ATP10D: variants seen among roughly 807,000 people sequenced by gnomAD.
ATP10D encodes the protein phospholipid-transporting ATPase VD.
Under a neutral mutation model 144.8 loss-of-function variants are expected in ATP10D, and 89 were observed. The observed-to-expected ratio is 0.61, with a 90% CI of 0.52 to 0.73. The LOEUF (loss-of-function observed/expected upper bound fraction) is 0.73. Among genes scored for constraint, ATP10D ranks in the 30% least tolerant of loss-of-function variants. ATP10D has a pLI of 0.00. For missense variants in ATP10D, 1,603 were observed against 1,714.8 expected, an observed-to-expected ratio of 0.93 and a Z score of 1.15; for synonymous variants, 571 against 615.1, an observed-to-expected ratio of 0.93 and a Z score of 1.06.
chr4:47,535,715 A>G, intron 6 of ATP10D, 100 bp downstream of exon 6: 3 of 1,395,848 alleles, frequency 2.1e-6, no homozygotes, highest in Non-Finnish European at 2.9e-6. Context: ...CAGAAAGGAA[A>G]TTTTGCCTGA....
At chr4:47,490,680 G>A in intron 1 of ATP10D, among the ~76,000 whole-genome samples, 1 of 152,228 alleles carries the variant, frequency 6.6e-6, no homozygotes. Flanking sequence ...AGCCAGCACG[G>A]GTGGTATAGG....
intron 9 of ATP10D, among the ~76,000 whole-genome samples, chr4:47,540,943 A>G (rs1413323724): frequency 6.6e-6 from 1 of 152,290 alleles, no homozygotes; most frequent in Non-Finnish European, 1.5e-5. Flanking sequence ...TTTATGATGC[A>G]CAATTTGTGA....
Position 47,557,711 on chromosome 4 carries a change from G to A in ATP10D, c.1872G>A (p.Glu624=), listed in dbSNP as rs773640259. The A allele has an allele frequency of 6.2e-7, 1 of 1,614,148 alleles. No individual in the cohort carries two copies. The highest frequency in any genetic ancestry group is 8.5e-7 in the Non-Finnish European group (1 of 1,179,988). Residue 624 remains glutamate (E), a synonymous_variant, in exon 12 of 23, where the codon GAG becomes GAA. Transcript: ENST00000273859. ...LGGLPIKSLE[E]IKSLFQRWSV... ...GGTTGCCCATTAAGTCTTTGGAAGA[G>A]ATTAAAAGTCTTTTCCAGAGATGGT...
intron 1 of ATP10D, among the ~76,000 whole-genome samples, chr4:47,512,285 G>A (rs1450224451): frequency 1.3e-5 from 2 of 152,182 alleles, no homozygotes; most frequent in Admixed American, 6.5e-5. Context: ...TTTAGGTGCT[G>A]TCTCTTGTTA....
intron 10 of ATP10D, 73 bp downstream of exon 10, chr4:47,546,935 T>A: frequency 7.0e-7 from 1 of 1,419,084 alleles, no homozygotes; most frequent in Non-Finnish European, 9.9e-7. Flanking sequence ...GTAATTATGA[T>A]AGAGTCAAAC....
In ATP10D at chr4:47,521,648, A is replaced by C. The variant is rs146166971; in HGVS notation, c.486-1364A>C. Among the ~76,000 whole-genome samples, 487 of 152,272 alleles carry C rather than the reference A, an allele frequency of 3.2e-3. 7 individuals carry two copies. Among genetic ancestry groups the C allele is most frequent in the Middle Eastern group, 0.014 (4 of 294 alleles). The stretch of plus-strand genomic sequence containing the variant: ...TTTAGTTACTCTCCATTTCCTATGG[A>C]ATGAAATTCCTACTCCTAGATATGG... On this transcript the variant is annotated intron_variant, in intron 3 of 22. Coordinates refer to ENST00000273859, the MANE Select transcript of ATP10D (RefSeq NM_020453.4).
chr4:47,579,141 T>C (rs1331958751), intron 19 of ATP10D, among the ~76,000 whole-genome samples: 1 of 152,210 alleles, frequency 6.6e-6, no homozygotes, highest in Admixed American at 6.5e-5. Flanking sequence ...TCACACAGCC[T>C]CAGAATCCAA....
intron 9 of ATP10D, among the ~76,000 whole-genome samples, chr4:47,543,125 A>G (rs1231227549): frequency 6.6e-6 from 1 of 152,204 alleles, no homozygotes; most frequent in Admixed American, 6.5e-5. Context: ...GTTTTACTAC[A>G]GTATATTGTT....
chr4:47,508,829 G>A (rs1336745374), intron 1 of ATP10D, among the ~76,000 whole-genome samples: 2 of 152,170 alleles, frequency 1.3e-5, no homozygotes, highest in African/African-American at 4.8e-5. Flanking sequence ...CCGACACTCT[G>A]ATACAAAATA....
At chr4:47,569,260 C>G (rs1302582850) in intron 16 of ATP10D, 114 bp downstream of exon 16, 1 of 1,219,096 alleles carries the variant, frequency 8.2e-7, no homozygotes, top group Non-Finnish European at 1.1e-6. Context: ...CTCCCTTTTT[C>G]TCTACCACAT....
At chr4:47,573,371 C>T (rs538794281) in intron 18 of ATP10D, among the ~76,000 whole-genome samples, 1 of 152,256 alleles carries the variant, frequency 6.6e-6, no homozygotes, top group African/African-American at 2.4e-5. Context: ...CTGGAAATAC[C>T]AAAAAATATC....
At chr4:47,559,101 G>T in intron 13 of ATP10D, 72 bp downstream of exon 13, 16 of 1,199,776 alleles carry the variant, frequency 1.3e-5, no homozygotes, top group Non-Finnish European at 2.0e-5. Flanking sequence ...GAAAACCAGC[G>T]TGTAGCAAAC....
At chr4:47,590,692 C>T (rs527244281) in intron 22 of ATP10D, among the ~76,000 whole-genome samples, 2 of 152,022 alleles carry the variant, frequency 1.3e-5, no homozygotes, top group Non-Finnish European at 2.9e-5. Flanking sequence ...TTTTTAACAC[C>T]TACTATGTGT....
chr4:47,549,499 T>A (rs980588560), intron 10 of ATP10D, among the ~76,000 whole-genome samples: 1 of 152,220 alleles, frequency 6.6e-6, no homozygotes, highest in African/African-American at 2.4e-5. Flanking sequence ...CCTGGCACCA[T>A]AGATTAGCAA....
At chr4:47,548,068 T>A (rs993311616) in intron 10 of ATP10D, among the ~76,000 whole-genome samples, 3 of 152,176 alleles carry the variant, frequency 2.0e-5, no homozygotes, top group African/African-American at 7.2e-5. Flanking sequence ...TTTTTATCTA[T>A]CCTTGTATTG....
At chr4:47,589,325 T>C (rs551557046) in intron 22 of ATP10D, among the ~76,000 whole-genome samples, 54 of 152,294 alleles carry the variant, frequency 3.5e-4, no homozygotes, top group African/African-American at 1.2e-3. Context: ...TAACGTGGTA[T>C]AGCAGTCATA....
chr4:47,523,637 A>G (rs1431315178), intron 4 of ATP10D, among the ~76,000 whole-genome samples: 1 of 152,188 alleles, frequency 6.6e-6, no homozygotes, highest in Non-Finnish European at 1.5e-5. Flanking sequence ...GAAACCTTGA[A>G]GTTATATTGA....
At chr4:47,567,676 GA>G (rs1719713627) in intron 15 of ATP10D, among the ~76,000 whole-genome samples, 2 of 152,162 alleles carry the variant, frequency 1.3e-5, no homozygotes, top group Non-Finnish European at 2.9e-5. Flanking sequence ...GAGCATATCT[GA>G]TTCATCTTTG....
chr4:47,505,521 C>T (rs568494789), intron 1 of ATP10D, among the ~76,000 whole-genome samples: 4 of 152,108 alleles, frequency 2.6e-5, no homozygotes, highest in South Asian at 2.1e-4. Flanking sequence ...GTCAAGAGTT[C>T]GAGAACTGCC....
Sources: gnomAD v4.1 joint callset for allele counts (sites outside exome capture counted in the v4.1 genomes callset) on GRCh38, gnomAD v4.1.1 for gene constraint, MANE v1.5 for transcripts, NCBI Gene and HGNC (gene_info 2026-07-23, HGNC 2026-07-21) for gene names.